The following CRYL1 variants were observed in gnomAD, a reference collection of about 807,000 sequenced individuals.
CRYL1 encodes the protein lambda-crystallin homolog.
Under a neutral mutation model 36.6 loss-of-function variants are expected in CRYL1, and 29 were observed. The observed-to-expected ratio is 0.79, with a 90% CI of 0.59 to 1.08. CRYL1 has a LOEUF of 1.08. CRYL1 is among the 50% of genes least tolerant of loss of function. The pLI is 0.00. For synonymous variants in CRYL1, 152 were observed against 151.5 expected (o/e 1.00, Z -0.02); for missense variants, 411 against 407.9 (o/e 1.01, Z -0.06).
Position 20,432,090 on chromosome 13 carries a change from G to C in CRYL1, c.633+12C>G, listed in dbSNP as rs201449166. 12 of 1,613,988 alleles carry C rather than the reference G, an allele frequency of 7.4e-6. No homozygotes were observed. Among genetic ancestry groups the C allele is most frequent in the Admixed American group, 1.7e-5 (1 of 60,002 alleles). On this transcript the variant is annotated intron_variant, in intron 5 of 7. Transcript: ENST00000298248. Reference sequence around the variant, plus strand: ...AGGAAGGGAGGGAGGGAGAGAGGACGGGCACACACACCTCCACTAGCCGCC... The same window carrying C: ...AGGAAGGGAGGGAGGGAGAGAGGACCGGCACACACACCTCCACTAGCCGCC...
chr13:20,438,456 A>G (rs1446260625), intron 4 of CRYL1, among the ~76,000 whole-genome samples: 1 of 152,104 alleles, frequency 6.6e-6, no homozygotes, highest in East Asian at 1.9e-4. Context: ...CTCTGGACCC[A>G]AGCTGTCTGT....
intron 3 of CRYL1, among the ~76,000 whole-genome samples, chr13:20,462,214 G>A (rs995855787): frequency 2.0e-5 from 3 of 150,992 alleles, no homozygotes; most frequent in South Asian, 4.2e-4. Context: ...GGAGGGGGCA[G>A]GAGGAGGGCC....
At chr13:20,418,037 T>C (rs1409865349) in intron 5 of CRYL1, among the ~76,000 whole-genome samples, 1 of 152,150 alleles carries the variant, frequency 6.6e-6, no homozygotes, top group African/African-American at 2.4e-5. Flanking sequence ...GGCCGGCAAC[T>C]CCAGGCAGGA....
At chr13:20,516,621 A>C (rs918619539) in intron 1 of CRYL1, among the ~76,000 whole-genome samples, 17 of 151,976 alleles carry the variant, frequency 1.1e-4, no homozygotes, top group Admixed American at 1.1e-3. Flanking sequence ...CTGGGACTAC[A>C]GGCGCTCGCC....
Position 20,473,378 on chromosome 13 carries a change from C to T in CRYL1, c.276+15992G>A, listed in dbSNP as rs1317166912. 7.9e-5 allele frequency among the ~76,000 whole-genome samples: 12 copies of T among 152,214 alleles called. 1 individual carries two copies. The highest frequency in any genetic ancestry group is 7.9e-4 in the Admixed American group (12 of 15,284). On this transcript the variant is annotated intron_variant, in intron 3 of 7. Coordinates refer to ENST00000298248, the MANE Select transcript of CRYL1 (RefSeq NM_015974.3). The stretch of plus-strand genomic sequence containing the variant: ...TCCAGACTTTTAAACATCAGTGAGT[C>T]ATTCAAACAAACAAATGAACAATTA...
At chr13:20,414,906 T>G (rs1463576939) in intron 5 of CRYL1, among the ~76,000 whole-genome samples, 1 of 152,178 alleles carries the variant, frequency 6.6e-6, no homozygotes, top group Non-Finnish European at 1.5e-5. Flanking sequence ...CCCTACGCCT[T>G]CACGGCTCAG....
intron 3 of CRYL1, among the ~76,000 whole-genome samples, chr13:20,465,731 A>G (rs2032918593): frequency 6.6e-6 from 1 of 152,146 alleles, no homozygotes; most frequent in African/African-American, 2.4e-5. Flanking sequence ...TAGAGAGTTT[A>G]CCAGAATGCT....
intron 1 of CRYL1, among the ~76,000 whole-genome samples, chr13:20,524,087 C>T (rs887167961): frequency 2.0e-5 from 3 of 152,074 alleles, no homozygotes; most frequent in African/African-American, 7.2e-5. Flanking sequence ...CCCATCTCTA[C>T]CTAAAAATTT....
intron 3 of CRYL1, among the ~76,000 whole-genome samples, chr13:20,488,050 C>T (rs1267581641): frequency 2.0e-5 from 3 of 151,946 alleles, no homozygotes; most frequent in Non-Finnish European, 4.4e-5. Flanking sequence ...TGCAATGAGC[C>T]GAGATCACAC....
At position 20,491,416 on chromosome 13, in the gene CRYL1, T is replaced by A. The variant is rs9509246; in HGVS notation, c.150-1920A>T. ...CACAAAACAACTCAGTGTTAAGTAC[T>A]AAATATCCTGGACCACCATCCCCAG... is the stretch of plus-strand genomic sequence containing the variant. On this transcript the variant is annotated intron_variant, in intron 2 of 7. Coordinates refer to ENST00000298248, the MANE Select transcript of CRYL1 (RefSeq NM_015974.3). Among the ~76,000 whole-genome samples the A allele has an allele frequency of 2.8e-4, 42 of 152,090 alleles. No individual in the cohort carries two copies. The East Asian group carries it at 7.4e-3, about 27-fold the overall frequency.
intron 2 of CRYL1, among the ~76,000 whole-genome samples, chr13:20,501,913 G>A (rs2033710140): frequency 6.6e-6 from 1 of 152,162 alleles, no homozygotes; most frequent in African/African-American, 2.4e-5. Context: ...CTTTAATTAA[G>A]TTACTGCAAT....
chr13:20,454,695 A>G (rs2032643937), intron 3 of CRYL1, among the ~76,000 whole-genome samples: 1 of 152,178 alleles, frequency 6.6e-6, no homozygotes, highest in Non-Finnish European at 1.5e-5. Flanking sequence ...CTGGGATTAC[A>G]GGCGTGAGCC....
intron 3 of CRYL1, among the ~76,000 whole-genome samples, chr13:20,476,442 G>A (rs2033169082): frequency 6.6e-6 from 1 of 151,946 alleles, no homozygotes; most frequent in Admixed American, 6.5e-5. Flanking sequence ...ACCCATAAGA[G>A]GTGAAAGGCC....
chr13:20,431,115 G>A, intron 5 of CRYL1: 1 of 985,382 alleles, frequency 1.0e-6, no homozygotes, highest in Non-Finnish European at 1.2e-6. Flanking sequence ...GCAGGCCGCG[G>A]GAGGCCACAT....
At chr13:20,499,273 G>C (rs1317556197) in intron 2 of CRYL1, among the ~76,000 whole-genome samples, 3 of 151,814 alleles carry the variant, frequency 2.0e-5, no homozygotes, top group Middle Eastern at 3.2e-3. Flanking sequence ...TTGAGCCCAG[G>C]GGGCAGAGAC....
At chr13:20,495,121 T>C (rs1039076651) in intron 2 of CRYL1, among the ~76,000 whole-genome samples, 6 of 152,122 alleles carry the variant, frequency 3.9e-5, no homozygotes, top group Admixed American at 3.3e-4. Context: ...TTAATTCCAA[T>C]TTTTTTTATT....
chr13:20,489,517 A>T, intron 2 of CRYL1, 21 bp from the exon 3 acceptor site: 1 of 1,611,438 alleles, frequency 6.2e-7, no homozygotes, highest in Non-Finnish European at 8.5e-7. Flanking sequence ...AGAGAGAAGG[A>T]TCACTGTGAG....
chr13:20,409,786 T>C (rs1276151470), intron 6 of CRYL1, among the ~76,000 whole-genome samples: 1 of 150,792 alleles, frequency 6.6e-6, no homozygotes, highest in Non-Finnish European at 1.5e-5. Context: ...GAAAAAATGC[T>C]CACCATCACT....
At chr13:20,437,795 C>T (rs562924741) in intron 4 of CRYL1, among the ~76,000 whole-genome samples, 8 of 152,226 alleles carry the variant, frequency 5.3e-5, no homozygotes, top group South Asian at 4.1e-4. Context: ...ATGCAGTAAA[C>T]GTCTCGTCAA....
Sources: gnomAD v4.1 joint callset for allele counts (sites outside exome capture counted in the v4.1 genomes callset) on GRCh38, gnomAD v4.1.1 for gene constraint, MANE v1.5 for transcripts, NCBI Gene and HGNC (gene_info 2026-07-23, HGNC 2026-07-21) for gene names.